The following KIF21A variants were observed in gnomAD, a reference collection of about 807,000 sequenced individuals.
KIF21A encodes kinesin-like protein KIF21A.
KIF21A carries 114 observed loss-of-function variants against 202.9 expected under a neutral mutation model. That is an observed-to-expected ratio of 0.56 (90% CI 0.48 to 0.66). The LOEUF (loss-of-function observed/expected upper bound fraction) is 0.66, where lower values mean the gene tolerates loss of function less well. KIF21A is among the 30% of genes least tolerant of loss of function. KIF21A has a pLI of 0.00. For synonymous variants in KIF21A, 667 were observed against 670.8 expected (o/e 0.99, Z 0.09); for missense variants, 1,677 against 1,994.9 (o/e 0.84, Z 3.04).
rs557018562 is a variant in KIF21A at position 39,322,714 on chromosome 12, T to C, written c.3625A>G (p.Lys1209Glu). The C allele has an allele frequency of 1.2e-6, 2 of 1,614,168 alleles. No homozygotes were observed. Among genetic ancestry groups the C allele is most frequent in the East Asian group, 4.5e-5 (2 of 44,890 alleles). The change falls in exon 27 of 38, where the codon AAA (lysine) becomes GAA (glutamate). Residue 1209 changes from lysine (K) to glutamate (E), a missense_variant. Physicochemically the swap from Lys to Glu is moderately conservative, Grantham distance 56 (BLOSUM62 1). Transcript: ENST00000361418. ...TETSGTSAREKELSPPPGLPS... is the reference protein window; with the variant it reads ...TETSGTSAREEELSPPPGLPS... ...AAGCCAGGTGGGGGAGAGAGCTCTT[T>C]TTCCCTAGCAGAAGTACCACTTGTC...
intron 1 of KIF21A, among the ~76,000 whole-genome samples, chr12:39,426,355 G>A (rs1954751052): frequency 6.6e-6 from 1 of 152,192 alleles, no homozygotes; most frequent in Non-Finnish European, 1.5e-5. Flanking sequence ...TCATATCCTT[G>A]TATGTGTGGA....
chr12:39,366,997 T>G, intron 5 of KIF21A, 33 bp downstream of exon 5: 1 of 1,597,638 alleles, frequency 6.3e-7, no homozygotes, highest in East Asian at 2.2e-5. Context: ...AGATAAAAAT[T>G]GAAAGTTTAA....
At chr12:39,354,401 A>G (rs1948619096) in intron 10 of KIF21A, among the ~76,000 whole-genome samples, 1 of 152,164 alleles carries the variant, frequency 6.6e-6, no homozygotes, top group Non-Finnish European at 1.5e-5. Context: ...GAAGAGATAG[A>G]TCAAAATGTT....
intron 6 of KIF21A, among the ~76,000 whole-genome samples, chr12:39,365,267 T>G (rs747011511): frequency 7.9e-5 from 12 of 152,246 alleles, no homozygotes; most frequent in Non-Finnish European, 1.8e-4. Flanking sequence ...GCTGGCTCTG[T>G]GTGCATTAAA....
At chr12:39,350,433 A>T (rs1036483478) in intron 11 of KIF21A, among the ~76,000 whole-genome samples, 5 of 152,098 alleles carry the variant, frequency 3.3e-5, no homozygotes, top group African/African-American at 1.2e-4. Context: ...TATGAATACA[A>T]ATGACCTAGA....
At chr12:39,362,802 A>G (rs750736507) in intron 7 of KIF21A, among the ~76,000 whole-genome samples, 25 of 152,346 alleles carry the variant, frequency 1.6e-4, no homozygotes, top group Non-Finnish European at 2.8e-4. Context: ...GAAAGTCCAC[A>G]TACTATTGAC....
chr12:39,384,583 CT>C (rs901144866), intron 1 of KIF21A, among the ~76,000 whole-genome samples: 1 of 152,242 alleles, frequency 6.6e-6, no homozygotes, highest in Non-Finnish European at 1.5e-5. Flanking sequence ...GTATATAGGG[CT>C]TTTTTTCCCC....
chr12:39,407,153 T>G (rs1952658954), intron 1 of KIF21A, among the ~76,000 whole-genome samples: 1 of 152,218 alleles, frequency 6.6e-6, no homozygotes. Flanking sequence ...TCCCAGTAGA[T>G]CATTCTCAGC....
chr12:39,391,162 C>T (rs1384895032), intron 1 of KIF21A, among the ~76,000 whole-genome samples: 1 of 152,080 alleles, frequency 6.6e-6, no homozygotes, highest in African/African-American at 2.4e-5. Flanking sequence ...GACGAGTATC[C>T]TGTGCTGTGC....
intron 1 of KIF21A, among the ~76,000 whole-genome samples, chr12:39,416,689 A>G (rs536942035): frequency 1.1e-3 from 101 of 94,742 alleles, no homozygotes; most frequent in African/African-American, 2.0e-3. Flanking sequence ...ATATGTGTGT[A>G]TATATATATG....
chr12:39,416,543 C>A (rs1953607883), intron 1 of KIF21A, among the ~76,000 whole-genome samples: 1 of 150,180 alleles, frequency 6.7e-6, no homozygotes, highest in South Asian at 2.1e-4. Context: ...TTGCAGTGAG[C>A]CAAGATAGCA....
chr12:39,359,217 T>C (rs1345183914), intron 7 of KIF21A, among the ~76,000 whole-genome samples: 1 of 152,178 alleles, frequency 6.6e-6, no homozygotes, highest in Non-Finnish European at 1.5e-5. Context: ...GTACCCCTTG[T>C]CCCATTCCAC....
At chr12:39,331,658 A>G in intron 22 of KIF21A, 32 bp downstream of exon 22, 1 of 1,418,996 alleles carries the variant, frequency 7.0e-7, no homozygotes, top group Non-Finnish European at 1.0e-6. Context: ...GTCAAAACTT[A>G]GATTTTCAGT....
chr12:39,320,808 A>G (rs11171730), intron 27 of KIF21A, among the ~76,000 whole-genome samples: 44,774 of 150,744 alleles, frequency 0.3, 8,351 homozygotes, highest in African/African-American at 0.53. Flanking sequence ...GGTGGCGGGC[A>G]CCTGTAATCC....
chr12:39,389,082 AT>A (rs977463080), intron 1 of KIF21A, among the ~76,000 whole-genome samples: 1 of 152,048 alleles, frequency 6.6e-6, no homozygotes, highest in Admixed American at 6.6e-5. Flanking sequence ...ATTTTCCTCT[AT>A]TTAAAAAAAA....
In KIF21A at chr12:39,370,188, G is replaced by A; in HGVS notation, c.118C>T (p.Gln40Ter). The A allele has an allele frequency of 6.2e-7, 1 of 1,613,634 alleles. No individual in the cohort carries two copies. Among genetic ancestry groups the A allele is most frequent in the Non-Finnish European group, 8.5e-7 (1 of 1,179,704 alleles). ...ICTSVTPGEP[Q>*]VFLGKDKAFT... ...GCCTTATCTTTCCCTAGGAAGACCT[G>A]AGGCTCTCCTGGTGTGACAGATGTA... Residue 40 changes from glutamine to a stop codon, truncating the protein, a stop_gained, in exon 2 of 38, where the codon CAG (glutamine) becomes TAG (stop). Coordinates refer to ENST00000361418, the MANE Select transcript of KIF21A (RefSeq NM_001173464.2). LOFTEE classifies it high-confidence loss of function.
intron 10 of KIF21A, among the ~76,000 whole-genome samples, chr12:39,355,726 T>TATATATGTTATATGCATAACATTTATA (rs1948731349): frequency 7.0e-6 from 1 of 143,836 alleles, no homozygotes; most frequent in Admixed American, 6.9e-5. Context: ...TATATATATA[T>TATATATGTTATATGCATAACATTTATA]ATATATATGT....
chr12:39,301,531 C>G lies in KIF21A; in HGVS notation c.4880G>C (p.Ser1627Thr), dbSNP rs1942962671. The G allele has an allele frequency of 1.2e-6, 2 of 1,613,998 alleles. No individual in the cohort carries two copies. Among genetic ancestry groups the G allele is most frequent in the African/African-American group, 2.7e-5 (2 of 74,928 alleles). ...MPVGEMKGHD[S>T]PINAICVNST... ...ATTAACACATATGGCATTGATAGGA[C>G]TATCATGACCCTTCATCTCTCCCAC... The change falls in exon 37 of 38, where the codon AGT becomes ACT. Residue 1627 changes from serine (S) to threonine (T), a missense_variant. By Grantham distance (58) the Ser-to-Thr change is moderately conservative. Transcript: ENST00000361418.
chr12:39,369,119 C>G lies in KIF21A; in HGVS notation c.450+610G>C, dbSNP rs149838582. Among the ~76,000 whole-genome samples, 11 of 152,280 alleles carry G rather than the reference C, an allele frequency of 7.2e-5. No individual in the cohort carries two copies. The East Asian group carries it at 2.1e-3, about 29-fold the overall frequency. ...TTTGGCCTTAGTCATTAAGTTCCCA[C>G]CACTCTGTAAGCCTGTCTAAATTAC... is the stretch of plus-strand genomic sequence containing the variant. On this transcript the variant is annotated intron_variant, in intron 3 of 37. Coordinates refer to ENST00000361418, the MANE Select transcript of KIF21A (RefSeq NM_001173464.2).
Sources: gnomAD v4.1 joint callset for allele counts (sites outside exome capture counted in the v4.1 genomes callset) on GRCh38, gnomAD v4.1.1 for gene constraint, MANE v1.5 for transcripts, NCBI Gene and HGNC (gene_info 2026-07-23, HGNC 2026-07-21) for gene names.